CASP6: variants seen among roughly 807,000 people sequenced by gnomAD.
CASP6 encodes caspase 6, also known as caspase-6.
Under a neutral mutation model 31.8 loss-of-function variants are expected in CASP6, and 20 were observed. The observed-to-expected ratio is 0.63, with a 90% CI of 0.44 to 0.91. CASP6 has a LOEUF of 0.91. Among genes scored for constraint, CASP6 ranks in the 40% least tolerant of loss-of-function variants. The pLI, the probability that CASP6 is intolerant of heterozygous loss-of-function variation, is 0.00. For synonymous variants in CASP6, 130 were observed against 127.8 expected (o/e 1.02, Z -0.12); for missense variants, 328 against 361.1 (o/e 0.91, Z 0.74).
downstream of CASP6, among the ~76,000 whole-genome samples, chr4:109,684,086 A>G (rs1361161989): frequency 2.8e-5 from 4 of 144,562 alleles, no homozygotes; most frequent in Non-Finnish European, 6.0e-5. Flanking sequence ...TTTTTGACGC[A>G]GAGTCTTGCA....
At chr4:109,699,337 G>T (rs1310555427) in intron 1 of CASP6, among the ~76,000 whole-genome samples, 3 of 152,140 alleles carry the variant, frequency 2.0e-5, no homozygotes, top group Non-Finnish European at 4.4e-5. Flanking sequence ...AAAAGGGTTG[G>T]TTCCCCTCTC....
chr4:109,703,345 C>A lies in CASP6; in HGVS notation c.40+11G>T. 1 of 1,607,870 alleles carries A rather than the reference C, an allele frequency of 6.2e-7. No individual in the cohort carries two copies. Among genetic ancestry groups the A allele is most frequent in the Non-Finnish European group, 8.5e-7 (1 of 1,177,588 alleles). ...GACCTGCTCGGTGCCCAGTCGACGCCCCCTGCCTACCTGCCGGGTGCCCCC... is the reference window on the plus strand; with the variant it reads ...GACCTGCTCGGTGCCCAGTCGACGCACCCTGCCTACCTGCCGGGTGCCCCC... On this transcript the variant is annotated intron_variant, in intron 1 of 6. Coordinates refer to ENST00000265164, the MANE Select transcript of CASP6 (RefSeq NM_001226.4).
intron 1 of CASP6, 72 bp downstream of exon 1, chr4:109,703,284 T>G: frequency 6.5e-7 from 1 of 1,539,594 alleles, no homozygotes; most frequent in Non-Finnish European, 8.8e-7. Context: ...CCCGGTCCAC[T>G]AACCCTCGTT....
At chr4:109,707,672 G>A (rs999683870), upstream of CASP6, among the ~76,000 whole-genome samples, 7 of 152,072 alleles carry the variant, frequency 4.6e-5, no homozygotes, top group Non-Finnish European at 8.8e-5. Flanking sequence ...CATGAGCCAC[G>A]ACACCTGGCT....
At chr4:109,676,745 T>C in the CASP6 span, among the ~76,000 whole-genome samples, 1 of 152,346 alleles carries the variant, frequency 6.6e-6, no homozygotes, top group Admixed American at 6.5e-5. Flanking sequence ...CCAAGGACTT[T>C]ATGGAAGGCA....
the CASP6 span, among the ~76,000 whole-genome samples, chr4:109,709,757 A>C: frequency 6.6e-6 from 1 of 152,202 alleles, no homozygotes; most frequent in East Asian, 1.9e-4. Flanking sequence ...CTACAACTTA[A>C]AAATTTTGGT....
chr4:109,698,579 AC>A (rs1262796588), intron 1 of CASP6, among the ~76,000 whole-genome samples: 4 of 152,344 alleles, frequency 2.6e-5, no homozygotes, highest in African/African-American at 9.6e-5. Flanking sequence ...AATCTTATAA[AC>A]AGAAATGGAG....
At chr4:109,706,034 T>TATATATATA (rs1257166772), upstream of CASP6, among the ~76,000 whole-genome samples, 1 of 89,280 alleles carries the variant, frequency 1.1e-5, no homozygotes, top group African/African-American at 4.0e-5. Context: ...ATATATATAA[T>TATATATATA]ATATATAAAA....
downstream of CASP6, chr4:109,685,036 C>T: frequency 2.4e-6 from 1 of 414,716 alleles, no homozygotes; most frequent in Non-Finnish European, 4.3e-6. Context: ...TGTAATTTCT[C>T]TTCCCAGCTT....
chr4:109,694,067 C>T (rs5030576), intron 5 of CASP6, among the ~76,000 whole-genome samples: 1,801 of 152,164 alleles, frequency 0.012, 33 homozygotes, highest in East Asian at 0.095. Context: ...AATTTGGCAG[C>T]GGGGAAACAA....
At chr4:109,679,466 C>T in the CASP6 span, among the ~76,000 whole-genome samples, 3 of 152,222 alleles carry the variant, frequency 2.0e-5, no homozygotes, top group Non-Finnish European at 2.9e-5. Context: ...GTCAACACGG[C>T]GAAACCCCGT....
downstream of CASP6, chr4:109,684,560 T>C (rs775970241): frequency 1.9e-6 from 3 of 1,608,726 alleles, no homozygotes; most frequent in Non-Finnish European, 2.6e-6. Flanking sequence ...GTGGGTGTAC[T>C]CCTGGGATAT....
chr4:109,707,266 T>A (rs148277933), upstream of CASP6, among the ~76,000 whole-genome samples: 200 of 152,358 alleles, frequency 1.3e-3, no homozygotes, highest in African/African-American at 4.4e-3. Context: ...GGCATATATG[T>A]TCCTGTTTCA....
At chr4:109,696,801 T>G (rs1163225919) in intron 3 of CASP6, among the ~76,000 whole-genome samples, 1 of 150,720 alleles carries the variant, frequency 6.6e-6, no homozygotes, top group Non-Finnish European at 1.5e-5. Flanking sequence ...TTTTTTTTTT[T>G]TTGAGACAGA....
At chr4:109,667,738 A>C in the CASP6 span, among the ~76,000 whole-genome samples, 2 of 151,214 alleles carry the variant, frequency 1.3e-5, no homozygotes. Flanking sequence ...TTCTTAAAGT[A>C]TAAGTTCAGA....
chr4:109,696,395 A>G lies in CASP6; in HGVS notation c.307+15T>C. 1.9e-6 allele frequency: 3 copies of G among 1,595,692 alleles called. No individual in the cohort carries two copies. Among genetic ancestry groups the G allele is most frequent in the Non-Finnish European group, 2.6e-6 (3 of 1,165,444 alleles). On this transcript the variant is annotated intron_variant, in intron 4 of 6. Coordinates refer to ENST00000265164, the MANE Select transcript of CASP6 (RefSeq NM_001226.4). ...ATTAGAGGAAGATGAACTATATGATAGCAAAACTACCTACCCTCATGAATT... is the reference window on the plus strand; with the variant it reads ...ATTAGAGGAAGATGAACTATATGATGGCAAAACTACCTACCCTCATGAATT...
At position 109,703,411 on chromosome 4, in the gene CASP6, A is replaced by T. The variant is rs1381830323; in HGVS notation, c.-16T>A. On this transcript the variant is annotated 5_prime_UTR_variant, in exon 1 of 7. Transcript: ENST00000265164. ...CCGAGCTCATTGCAGCCAAACGCGC[A>T]GCCAGACACCTTGCCCTCCTCTTCC... 1 of 1,611,164 alleles carries T rather than the reference A, an allele frequency of 6.2e-7. No homozygotes were observed. Among genetic ancestry groups the T allele is most frequent in the East Asian group, 2.2e-5 (1 of 44,812 alleles).
upstream of CASP6, among the ~76,000 whole-genome samples, chr4:109,707,755 GA>G (rs1730649311): frequency 6.6e-6 from 1 of 152,144 alleles, no homozygotes; most frequent in Non-Finnish European, 1.5e-5. Flanking sequence ...GAAATTCACA[GA>G]ATGATGAGGG....
chr4:109,681,063 C>G, the CASP6 span, among the ~76,000 whole-genome samples: 1 of 152,156 alleles, frequency 6.6e-6, no homozygotes, highest in African/African-American at 2.4e-5. Flanking sequence ...TCCCTTTACT[C>G]TTAGTTCTTA....
Sources: gnomAD v4.1 joint callset for allele counts (sites outside exome capture counted in the v4.1 genomes callset) on GRCh38, gnomAD v4.1.1 for gene constraint, MANE v1.5 for transcripts, NCBI Gene and HGNC (gene_info 2026-07-23, HGNC 2026-07-21) for gene names.